Variants in CDH13 observed in about 807,000 individuals in gnomAD.
The protein encoded by CDH13 is cadherin 13.
Under a neutral mutation model 63.8 loss-of-function variants are expected in CDH13, and 24 were observed. The observed-to-expected ratio is 0.38, with a 90% CI of 0.27 to 0.53. The LOEUF (loss-of-function observed/expected upper bound fraction) is 0.53. Ranked by LOEUF, CDH13 falls within the 20% of genes least tolerant of loss-of-function variation. The pLI, the probability that CDH13 is intolerant of heterozygous loss-of-function variation, is 0.85. For missense variants in CDH13, 1,049 were observed against 903.1 expected, an observed-to-expected ratio of 1.16 and a Z score of -2.07; for synonymous variants, 503 against 355.3, an observed-to-expected ratio of 1.42 and a Z score of -4.67.
At chr16:82,685,333 G>C (rs1914955970) in intron 1 of CDH13, among the ~76,000 whole-genome samples, 1 of 152,144 alleles carries the variant, frequency 6.6e-6, no homozygotes, top group Non-Finnish European at 1.5e-5. Context: ...GTCCTCACTT[G>C]GCAGAATGGA....
At chr16:82,709,310 T>C (rs2031737083) in intron 1 of CDH13, among the ~76,000 whole-genome samples, 1 of 152,230 alleles carries the variant, frequency 6.6e-6, no homozygotes, top group Non-Finnish European at 1.5e-5. Flanking sequence ...GCAATTTTTT[T>C]CTGTTTTCTG....
At position 82,951,798 on chromosome 16, in the gene CDH13, C is replaced by T. The variant is rs75983879; in HGVS notation, c.158-80212C>T. ...ATATTCAAGGACATAAATTCACACA[C>T]GGGCTCAGCTGTTGTACACCCATGG... is the stretch of plus-strand genomic sequence containing the variant. On this transcript the variant is annotated intron_variant, in intron 2 of 13. Transcript: ENST00000567109. 2.1e-3 allele frequency among the ~76,000 whole-genome samples: 323 copies of T among 152,288 alleles called. 1 individual carries two copies. The highest frequency in any genetic ancestry group is 6.9e-3 in the African/African-American group (288 of 41,568).
intron 5 of CDH13, among the ~76,000 whole-genome samples, chr16:83,326,163 C>T (rs953094048): frequency 3.9e-5 from 6 of 152,124 alleles, no homozygotes; most frequent in Non-Finnish European, 8.8e-5. Flanking sequence ...ATTCATCTTT[C>T]CAGAACATGA....
At chr16:83,140,701 C>T (rs1036246852) in intron 4 of CDH13, among the ~76,000 whole-genome samples, 5 of 152,270 alleles carry the variant, frequency 3.3e-5, no homozygotes, top group East Asian at 1.9e-4. Flanking sequence ...GTGATCCACC[C>T]GCCTGGGCCT....
At chr16:82,790,025 C>T (rs1340492820) in intron 1 of CDH13, among the ~76,000 whole-genome samples, 2 of 152,178 alleles carry the variant, frequency 1.3e-5, no homozygotes, top group Admixed American at 6.5e-5. Context: ...ACATGAAGGA[C>T]TTCTTCTTAC....
intron 5 of CDH13, among the ~76,000 whole-genome samples, chr16:83,251,885 C>T (rs532952574): frequency 6.6e-6 from 1 of 151,920 alleles, no homozygotes; most frequent in African/African-American, 2.4e-5. Context: ...ACAAAGAGGC[C>T]TTCCCCTCAC....
intron 2 of CDH13, among the ~76,000 whole-genome samples, chr16:83,029,820 T>C (rs1449958866): frequency 6.6e-6 from 1 of 152,166 alleles, no homozygotes; most frequent in Non-Finnish European, 1.5e-5. Flanking sequence ...TTCATTGGGT[T>C]GTATGTTCTG....
chr16:83,739,511 C>T (rs1009545447), intron 10 of CDH13, among the ~76,000 whole-genome samples: 2 of 152,012 alleles, frequency 1.3e-5, no homozygotes, highest in Non-Finnish European at 2.9e-5. Flanking sequence ...TTCTGTGGGC[C>T]TTCCTGGCAA....
At chr16:82,651,564 A>G (rs889428125) in intron 1 of CDH13, among the ~76,000 whole-genome samples, 10 of 152,194 alleles carry the variant, frequency 6.6e-5, no homozygotes, top group Non-Finnish European at 1.5e-4. Context: ...GGTCCTGAGA[A>G]AAGCATTTAC....
At chr16:83,109,214 C>T (rs571810410) in intron 3 of CDH13, among the ~76,000 whole-genome samples, 1 of 152,184 alleles carries the variant, frequency 6.6e-6, no homozygotes, top group East Asian at 1.9e-4. Context: ...GGAATGTGGT[C>T]ATAAAGAGGG....
At chr16:82,677,983 G>C (rs1394013389) in intron 1 of CDH13, among the ~76,000 whole-genome samples, 2 of 152,182 alleles carry the variant, frequency 1.3e-5, no homozygotes, top group Non-Finnish European at 2.9e-5. Flanking sequence ...AAAATCTATA[G>C]TTGCAAATCT....
At chr16:83,051,082 C>T (rs2151504728) in intron 3 of CDH13, among the ~76,000 whole-genome samples, 1 of 152,278 alleles carries the variant, frequency 6.6e-6, no homozygotes, top group South Asian at 2.1e-4. Flanking sequence ...TCCTGTGATC[C>T]AATCTGCGTG....
At chr16:82,868,347 A>T (rs10781995) in intron 2 of CDH13, among the ~76,000 whole-genome samples, 93,350 of 151,996 alleles carry the variant, frequency 0.61, 28,965 homozygotes, top group East Asian at 0.84. Flanking sequence ...CTACCAATCC[A>T]TTTGTAACAA....
At chr16:83,741,265 C>G (rs1330571163) in intron 10 of CDH13, among the ~76,000 whole-genome samples, 2 of 152,122 alleles carry the variant, frequency 1.3e-5, no homozygotes, top group Non-Finnish European at 2.9e-5. Context: ...AGTTCTGTCT[C>G]TTTCTGGTTC....
chr16:82,647,718 G>A (rs1171610512), intron 1 of CDH13, among the ~76,000 whole-genome samples: 1 of 152,194 alleles, frequency 6.6e-6, no homozygotes, highest in Non-Finnish European at 1.5e-5. Context: ...GTGAAGAGGT[G>A]TAGATATTTG....
chr16:83,437,072 T>C (rs1418033107), intron 6 of CDH13, among the ~76,000 whole-genome samples: 1 of 152,092 alleles, frequency 6.6e-6, no homozygotes, highest in Non-Finnish European at 1.5e-5. Context: ...TGGTACTGTT[T>C]TGTTTGGGTT....
intron 4 of CDH13, among the ~76,000 whole-genome samples, chr16:83,181,426 C>G (rs1010261227): frequency 6.6e-6 from 1 of 152,242 alleles, no homozygotes; most frequent in Non-Finnish European, 1.5e-5. Flanking sequence ...AAAGGAACCA[C>G]TATGTGGTTA....
intron 1 of CDH13, among the ~76,000 whole-genome samples, chr16:82,636,397 C>T (rs947822886): frequency 1.3e-5 from 2 of 152,082 alleles, no homozygotes. Context: ...GGATGGGCAC[C>T]GTGGGGGCCT....
intron 2 of CDH13, among the ~76,000 whole-genome samples, chr16:82,968,083 C>T (rs1051396385): frequency 1.3e-5 from 2 of 152,134 alleles, no homozygotes; most frequent in Non-Finnish European, 2.9e-5. Flanking sequence ...GGAAAAGCTC[C>T]CCCCAACTTA....
Sources: allele counts gnomAD v4.1 joint callset (sites outside exome capture counted in the v4.1 genomes callset), GRCh38; gene constraint gnomAD v4.1.1; transcripts MANE v1.5; gene names NCBI Gene and HGNC (gene_info 2026-07-23, HGNC 2026-07-21).